The following ITK variants were observed in gnomAD, a reference collection of about 807,000 sequenced individuals.
ITK encodes tyrosine-protein kinase ITK/TSK.
ITK carries 45 observed loss-of-function variants against 87.6 expected under a neutral mutation model. That is an observed-to-expected ratio of 0.51 (90% CI 0.40 to 0.66). The LOEUF (loss-of-function observed/expected upper bound fraction) is 0.66, where lower values mean the gene tolerates loss of function less well. Ranked by LOEUF, ITK falls within the 30% of genes least tolerant of loss-of-function variation. The pLI, the probability that ITK is intolerant of heterozygous loss-of-function variation, is 0.00. For synonymous variants in ITK, 303 were observed against 273.6 expected, an observed-to-expected ratio of 1.11 and a Z score of -1.06; for missense variants, 605 against 766.3, an observed-to-expected ratio of 0.79 and a Z score of 2.48.
chr5:157,244,039 C>A (rs973944034), intron 12 of ITK: 7 of 666,672 alleles, frequency 1.0e-5, no homozygotes, highest in Middle Eastern at 4.0e-4. Flanking sequence ...GACATGCCAG[C>A]CACACTGGCC....
chr5:157,209,519 T>C (rs1754146826), intron 2 of ITK, among the ~76,000 whole-genome samples: 1 of 152,168 alleles, frequency 6.6e-6, no homozygotes, highest in South Asian at 2.1e-4. Context: ...CTTGAAAAGG[T>C]GGTTATTCCT....
At chr5:157,201,102 A>G (rs1207954129) in intron 1 of ITK, among the ~76,000 whole-genome samples, 1 of 152,130 alleles carries the variant, frequency 6.6e-6, no homozygotes, top group Non-Finnish European at 1.5e-5. Context: ...TAAATGTCAA[A>G]AAAGAACATT....
chr5:157,196,168 A>G (rs1753852336), intron 1 of ITK, among the ~76,000 whole-genome samples: 1 of 152,224 alleles, frequency 6.6e-6, no homozygotes, highest in Admixed American at 6.5e-5. Flanking sequence ...GAGAAGCTCC[A>G]GTCTGTAGAA....
intron 1 of ITK, among the ~76,000 whole-genome samples, chr5:157,198,411 T>A (rs1753893508): frequency 6.6e-6 from 1 of 152,174 alleles, no homozygotes; most frequent in Non-Finnish European, 1.5e-5. Flanking sequence ...GAAGTGAAAT[T>A]GTTTTCCTCA....
chr5:157,231,948 A>G (rs1754665471), intron 7 of ITK, among the ~76,000 whole-genome samples: 1 of 152,252 alleles, frequency 6.6e-6, no homozygotes, highest in Admixed American at 6.5e-5. Flanking sequence ...CTACTGACTT[A>G]TGAAACGAAG....
chr5:157,186,441 G>A (rs1456641247), intron 1 of ITK, among the ~76,000 whole-genome samples: 1 of 151,918 alleles, frequency 6.6e-6, no homozygotes, highest in Non-Finnish European at 1.5e-5. Flanking sequence ...TTGGGAGGCT[G>A]GGGCAGGTGG....
chr5:157,187,128 C>T (rs189336929), intron 1 of ITK, among the ~76,000 whole-genome samples: 8 of 152,240 alleles, frequency 5.3e-5, no homozygotes, highest in African/African-American at 1.9e-4. Flanking sequence ...TCCTTGATGT[C>T]CCTAGACTAA....
At chr5:157,214,148 CT>C in intron 3 of ITK, 42 bp from the exon 4 acceptor site, 1 of 1,585,026 alleles carries the variant, frequency 6.3e-7, no homozygotes, top group Non-Finnish European at 8.7e-7. Context: ...CCTTGATAGA[CT>C]GACCTGGAAA....
Position 157,208,958 on chromosome 5 carries a change from A to G in ITK, c.208A>G (p.Ile70Val). The G allele has an allele frequency of 1.2e-6, 2 of 1,614,000 alleles. No individual in the cohort carries two copies. The highest frequency in any genetic ancestry group is 1.7e-6 in the Non-Finnish European group (2 of 1,179,874). ...ATGTGTTGAGATTGTGAAAAGTGAC[A>G]TCAGCATCCCATGCCACTATAAATA... ...IKCVEIVKSD[I>V]SIPCHYKYPF... Residue 70 changes from isoleucine (I) to valine (V), a missense_variant, in exon 2 of 17, where the codon ATC becomes GTC. Around this residue, in one of 3 missense-constraint regions of ITK, gnomAD observed 464 missense variants for 578.0 expected, o/e 0.80. Transcript: ENST00000422843.
Position 157,240,051 on chromosome 5 carries a change from ATTTG to A in ITK, c.852-7_852-4del, listed in dbSNP as rs2113772194. On this transcript the variant is annotated splice_polypyrimidine_tract_variant and splice_region_variant and intron_variant, in intron 9 of 16. Coordinates refer to ENST00000422843, the MANE Select transcript of ITK (RefSeq NM_005546.4). ...TTAATAATCATTACATTTGTGTTTC[ATTTG>A]TTTAAGTGAGAACAATCCCTGTATA... The A allele has an allele frequency of 1.2e-6, 2 of 1,610,930 alleles. No homozygotes were observed. The highest frequency in any genetic ancestry group is 1.7e-6 in the Non-Finnish European group (2 of 1,177,240).
At chr5:157,229,483 T>C (rs1233363276) in intron 7 of ITK, among the ~76,000 whole-genome samples, 2 of 152,180 alleles carry the variant, frequency 1.3e-5, no homozygotes, top group African/African-American at 2.4e-5. Context: ...AATTTACTTA[T>C]AAGGATATAT....
intron 6 of ITK, among the ~76,000 whole-genome samples, chr5:157,226,910 A>T (rs1754543759): frequency 6.6e-6 from 1 of 151,804 alleles, no homozygotes; most frequent in Admixed American, 6.6e-5. Flanking sequence ...ACCCGCCACC[A>T]CCCAGGTTAG....
At chr5:157,194,062 T>G (rs1347513476) in intron 1 of ITK, among the ~76,000 whole-genome samples, 1 of 152,168 alleles carries the variant, frequency 6.6e-6, no homozygotes, top group East Asian at 1.9e-4. Flanking sequence ...GTGAAAAGTG[T>G]AAAGGCAACA....
chr5:157,183,925 G>A (rs936030022), intron 1 of ITK, among the ~76,000 whole-genome samples: 19 of 152,072 alleles, frequency 1.2e-4, no homozygotes, highest in African/African-American at 4.3e-4. Context: ...AAAAAATCAT[G>A]CCTATTGTCA....
chr5:157,183,615 G>A (rs1216158556), intron 1 of ITK, among the ~76,000 whole-genome samples: 3 of 152,100 alleles, frequency 2.0e-5, no homozygotes, highest in Non-Finnish European at 4.4e-5. Flanking sequence ...CAAATTATGG[G>A]AGATATTCAA....
intron 7 of ITK, among the ~76,000 whole-genome samples, chr5:157,231,523 T>C (rs780864109): frequency 3.9e-5 from 6 of 152,236 alleles, no homozygotes; most frequent in Admixed American, 1.3e-4. Context: ...ATTCCTTTAG[T>C]CATGGCTACT....
chr5:157,237,798 T>C (rs948162743), intron 8 of ITK, among the ~76,000 whole-genome samples: 2 of 152,164 alleles, frequency 1.3e-5, no homozygotes, highest in South Asian at 2.1e-4. Context: ...CAGATGGCAA[T>C]ATTGTGGTAA....
chr5:157,246,021 A>G (rs779750389), intron 15 of ITK, 22 bp downstream of exon 15: 1 of 1,510,514 alleles, frequency 6.6e-7, no homozygotes, highest in Non-Finnish European at 9.2e-7. Context: ...GCTGGGCCCC[A>G]CTGCCCCATG....
At chr5:157,210,701 C>G (rs1176336698) in intron 2 of ITK, among the ~76,000 whole-genome samples, 1 of 112,332 alleles carries the variant, frequency 8.9e-6, no homozygotes, top group African/African-American at 3.4e-5. Flanking sequence ...CCCCTCCCCC[C>G]ACCCCACCAC....
Sources: gnomAD v4.1 joint callset for allele counts (sites outside exome capture counted in the v4.1 genomes callset) on GRCh38, gnomAD v4.1.1 for gene constraint, gnomAD v4.1.1 regional missense constraint, MANE v1.5 for transcripts, NCBI Gene and HGNC (gene_info 2026-07-23, HGNC 2026-07-21) for gene names.